FEM1C: variants seen among roughly 807,000 people sequenced by gnomAD.
FEM1C encodes the protein fem-1 homolog C, also known as protein fem-1 homolog C.
In FEM1C, 15 loss-of-function variants were observed where a neutral mutation model predicts 37.6. The ratio of observed to expected loss-of-function variants is 0.40; its 90% CI spans 0.27 to 0.61. The LOEUF (loss-of-function observed/expected upper bound fraction) is 0.61, where lower values mean the gene tolerates loss of function less well. FEM1C is among the 20% of genes least tolerant of loss of function. The probability of loss-of-function intolerance (pLI) is 0.42; values close to 1 mark genes in which losing one functional copy is unlikely to be tolerated. For missense variants in FEM1C, 532 were observed against 749.7 expected (o/e 0.71, Z 3.39); for synonymous variants, 287 against 272.8 (o/e 1.05, Z -0.51).
chr5:115,528,346 C>T (rs932689639), intron 2 of FEM1C, among the ~76,000 whole-genome samples: 3 of 152,098 alleles, frequency 2.0e-5, no homozygotes, highest in African/African-American at 7.2e-5. Context: ...TGGCCTCCAC[C>T]AATTCTGGAA....
At chr5:115,544,059 GCAGGAGAGCTGGCCAAGGGCGC>G in intron 1 of FEM1C, 1 of 985,418 alleles carries the variant, frequency 1.0e-6, no homozygotes, top group South Asian at 4.7e-5. Context: ...TCTTGCAACT[GCAGGAGAGCTGGCCAAGGGCGC>G]CAGGCTGGAA....
chr5:115,542,104 T>G (rs1023813534), intron 2 of FEM1C, among the ~76,000 whole-genome samples: 9 of 152,294 alleles, frequency 5.9e-5, no homozygotes, highest in Admixed American at 3.3e-4. Context: ...TAAGGGAAGT[T>G]AAGGTTTTCA....
At chr5:115,537,271 C>G (rs771811063) in intron 2 of FEM1C, among the ~76,000 whole-genome samples, 59 of 152,122 alleles carry the variant, frequency 3.9e-4, no homozygotes, top group Admixed American at 3.1e-3. Flanking sequence ...ATTTTATCAA[C>G]CAATCAATGA....
Position 115,543,443 on chromosome 5 carries a change from C to A in FEM1C, c.51G>T (p.Arg17=), listed in dbSNP as rs747273097. The A allele has an allele frequency of 2.5e-6, 4 of 1,613,890 alleles. No homozygotes were observed. In the South Asian group the frequency reaches 4.4e-5, roughly 18 times the overall value. The change falls in exon 2 of 3, where the codon CGG becomes CGT. Residue 17 remains arginine, a synonymous_variant. Transcript: ENST00000274457. Reference sequence around the variant, plus strand: ...TGCTTGCCAACAATTTGGTGAGAAGCCGGAGTTTGCCATCCCGAGCTGCGT... The same window carrying A: ...TGCTTGCCAACAATTTGGTGAGAAGACGGAGTTTGCCATCCCGAGCTGCGT... The part of the protein sequence containing the change: ...VFNAARDGKL[R]LLTKLLASKS...
At chr5:115,536,017 C>G (rs1041060398) in intron 2 of FEM1C, among the ~76,000 whole-genome samples, 3 of 151,934 alleles carry the variant, frequency 2.0e-5, no homozygotes, top group African/African-American at 7.2e-5. Context: ...AACAGGCAAA[C>G]TTAAGACAGA....
chr5:115,528,161 A>G (rs1368343202), intron 2 of FEM1C, among the ~76,000 whole-genome samples: 2 of 152,162 alleles, frequency 1.3e-5, no homozygotes, highest in Non-Finnish European at 2.9e-5. Flanking sequence ...TTTCACATCC[A>G]GTAATGGCAG....
At position 115,521,774 on chromosome 5, in the gene FEM1C, T is replaced by G. The variant is rs570027446; in HGVS notation, c.*2534A>C. On this transcript the variant is annotated 3_prime_UTR_variant, in exon 3 of 3. Coordinates refer to ENST00000274457, the MANE Select transcript of FEM1C (RefSeq NM_020177.3). ...CACAAATTTAAGTATTTTATTATAA[T>G]CCATCTCATAATTGTGAGAATACTT... The G allele has an allele frequency of 6.6e-6, 1 of 152,002 alleles. No homozygotes were observed. Among genetic ancestry groups the G allele is most frequent in the East Asian group, 1.9e-4 (1 of 5,174 alleles). The allele number at this position is 152,002 out of a possible 1,614,324, so 9.4% of individuals were successfully genotyped here.
chr5:115,524,760 T>A lies in FEM1C; in HGVS notation c.1402A>T (p.Thr468Ser). Residue 468 changes from threonine (T) to serine (S), a missense_variant, in exon 3 of 3, where the codon ACT (threonine) becomes TCT (serine). By Grantham distance (58) the Thr-to-Ser change is moderately conservative. Transcript: ENST00000274457. Reference protein sequence around the residue: ...TLEQDHFKKQTIYRFLKLHPR... With the variant: ...TLEQDHFKKQSIYRFLKLHPR... ...TGCAGCTTAAGAAACCTGTATATAG[T>A]CTGCTTTTTGAAATGGTCTTGTTCT... 1 of 1,560,402 alleles carries A rather than the reference T, an allele frequency of 6.4e-7. No individual in the cohort carries two copies. Among genetic ancestry groups the A allele is most frequent in the Non-Finnish European group, 8.6e-7 (1 of 1,157,220 alleles).
Position 115,543,526 on chromosome 5 carries a change from T to A in FEM1C, c.-33A>T, listed in dbSNP as rs1187260235. ...CAGTTGAGAGGCTGTGCTTTATTTA[T>A]CTTTCAAAGCAGAGCTCCAGTTTAA... On this transcript the variant is annotated 5_prime_UTR_variant, in exon 2 of 3. Transcript: ENST00000274457. 2.6e-6 allele frequency: 4 copies of A among 1,554,038 alleles called. No homozygotes were observed. The African/African-American group carries it at 4.1e-5, about 16-fold the overall frequency.
At position 115,543,286 on chromosome 5, in the gene FEM1C, C is replaced by T; in HGVS notation, c.208G>A (p.Val70Ile). The T allele has an allele frequency of 1.9e-6, 3 of 1,614,202 alleles. No homozygotes were observed. Among genetic ancestry groups the T allele is most frequent in the South Asian group, 2.2e-5 (2 of 91,084 alleles). The change falls in exon 2 of 3, where the codon GTT becomes ATT. Residue 70 changes from valine to isoleucine, a missense_variant. Val to Ile is a conservative substitution (Grantham distance 29). Around this residue, in one of 3 missense-constraint regions of FEM1C, gnomAD observed 74 missense variants for 85.0 expected, o/e 0.87. Transcript: ENST00000274457. Reference protein sequence around the residue: ...LLEQCSASIEVGGSVNFDGET... With the variant: ...LLEQCSASIEIGGSVNFDGET... The stretch of plus-strand genomic sequence containing the variant: ...CCATCAAAATTGACGGAGCCCCCAA[C>T]TTCTATGGAGGCACTGCATTGCTCT...
chr5:115,530,972 G>A (rs371210908), intron 2 of FEM1C, among the ~76,000 whole-genome samples: 2 of 151,786 alleles, frequency 1.3e-5, no homozygotes, highest in African/African-American at 4.8e-5. Context: ...TGAAAAAAGG[G>A]ATACGTATGC....
chr5:115,541,141 G>A (rs778989836), intron 2 of FEM1C, among the ~76,000 whole-genome samples: 1 of 152,040 alleles, frequency 6.6e-6, no homozygotes, highest in Non-Finnish European at 1.5e-5. Context: ...AACTCCATCA[G>A]TAGAAGAGTA....
chr5:115,540,451 A>G (rs1466818692), intron 2 of FEM1C, among the ~76,000 whole-genome samples: 1 of 152,100 alleles, frequency 6.6e-6, no homozygotes, highest in Non-Finnish European at 1.5e-5. Flanking sequence ...TTCTCATGTT[A>G]TATGTAGTTT....
chr5:115,539,639 GAAGA>G (rs1754198912), intron 2 of FEM1C, among the ~76,000 whole-genome samples: 1 of 152,068 alleles, frequency 6.6e-6, no homozygotes, highest in East Asian at 1.9e-4. Context: ...ATATCTAATA[GAAGA>G]AAGTACTACT....
At chr5:115,529,253 C>CA (rs5870659) in intron 2 of FEM1C, among the ~76,000 whole-genome samples, 152,149 of 152,158 alleles carry the variant, frequency 1, 76,070 homozygotes, top group Middle Eastern at 1. Flanking sequence ...TACAACACAG[C>CA]AAACTGCTGA....
intron 2 of FEM1C, among the ~76,000 whole-genome samples, chr5:115,525,937 G>A (rs577694474): frequency 1.3e-5 from 2 of 151,946 alleles, no homozygotes; most frequent in African/African-American, 2.4e-5. Flanking sequence ...TCTAAAAATC[G>A]GTAGAATACA....
intron 2 of FEM1C, among the ~76,000 whole-genome samples, chr5:115,533,021 G>T (rs1754049571): frequency 6.6e-6 from 1 of 151,846 alleles, no homozygotes; most frequent in African/African-American, 2.4e-5. Flanking sequence ...TAAAAAGTAT[G>T]AATTTTATTG....
At position 115,543,468 on chromosome 5, in the gene FEM1C, T is replaced by G; in HGVS notation, c.26A>C (p.Asn9Thr). 1 of 1,612,762 alleles carries G rather than the reference T, an allele frequency of 6.2e-7. No homozygotes were observed. Among genetic ancestry groups the G allele is most frequent in the South Asian group, 1.1e-5 (1 of 91,008 alleles). MDLKTAVF[N>T]AARDGKLRLL... ...CCGGAGTTTGCCATCCCGAGCTGCG[T>G]TAAATACTGCTGTCTTTAGATCCAT... is the stretch of plus-strand genomic sequence containing the variant. The change falls in exon 2 of 3, where the codon AAC (asparagine) becomes ACC (threonine). Residue 9 changes from asparagine to threonine, a missense_variant. This residue lies in a region of FEM1C where 74 missense variants were observed against 85.0 expected (regional missense o/e 0.87). Coordinates refer to ENST00000274457, the MANE Select transcript of FEM1C (RefSeq NM_020177.3).
intron 2 of FEM1C, among the ~76,000 whole-genome samples, chr5:115,540,259 C>CA (rs1258566539): frequency 1.3e-5 from 2 of 151,994 alleles, no homozygotes; most frequent in Non-Finnish European, 2.9e-5. Context: ...GCTTCAGGAT[C>CA]AGAGTGGAGG....
Sources: allele counts gnomAD v4.1 joint callset (sites outside exome capture counted in the v4.1 genomes callset), GRCh38; gene constraint gnomAD v4.1.1; regional missense constraint gnomAD v4.1.1; transcripts MANE v1.5; gene names NCBI Gene and HGNC (gene_info 2026-07-23, HGNC 2026-07-21).